The following DGKQ variants were observed in gnomAD, a reference collection of about 807,000 sequenced individuals.
The protein encoded by DGKQ is diacylglycerol kinase theta.
Under a neutral mutation model 104.2 loss-of-function variants are expected in DGKQ, and 97 were observed. That is an observed-to-expected ratio of 0.93 (90% confidence interval 0.79 to 1.10). The LOEUF (loss-of-function observed/expected upper bound fraction) is 1.10. DGKQ is among the 50% of genes least tolerant of loss of function. The pLI is 0.00. For missense variants in DGKQ, 1,465 were observed against 1,352.1 expected (o/e 1.08, Z -1.31); for synonymous variants, 736 against 595.2 (o/e 1.24, Z -3.44).
Position 966,069 on chromosome 4 carries a change from G to T in DGKQ, c.1438C>A (p.Arg480=). 1.2e-6 allele frequency: 2 copies of T among 1,600,068 alleles called. No individual in the cohort carries two copies. Among genetic ancestry groups the T allele is most frequent in the Non-Finnish European group, 1.7e-6 (2 of 1,173,916 alleles). ...RLQDIRQMSV[R]QVSQTRFYVA... ...TAGAACCGCGTCTGGCTCACCTGCCGCACAGACATCTGCAGGGAGAGGGGC... is the reference window on the plus strand; with the variant it reads ...TAGAACCGCGTCTGGCTCACCTGCCTCACAGACATCTGCAGGGAGAGGGGC... The change falls in exon 13 of 23, where the codon CGG becomes AGG. Residue 480 remains arginine, a synonymous_variant. Coordinates refer to ENST00000273814, the MANE Select transcript of DGKQ (RefSeq NM_001347.4).
In DGKQ at chr4:967,041, A is replaced by G; in HGVS notation, c.1234T>C (p.Tyr412His). Residue 412 changes from tyrosine to histidine, a missense_variant, in exon 10 of 23, where the codon TAC becomes CAC. Coordinates refer to ENST00000273814, the MANE Select transcript of DGKQ (RefSeq NM_001347.4). The stretch of plus-strand genomic sequence containing the variant: ...TTCGGGGTCACTCGCACGGACACGT[A>G]GGCCACGCCCACCCTGTGGGGACAC... ...YPGWLKVGVAYVSVRVTPKST... is the reference protein window; with the variant it reads ...YPGWLKVGVAHVSVRVTPKST... 1 of 1,559,398 alleles carries G rather than the reference A, an allele frequency of 6.4e-7. No homozygotes were observed. The highest frequency in any genetic ancestry group is 8.7e-7 in the Non-Finnish European group (1 of 1,152,914).
Position 968,817 on chromosome 4 carries a change from A to G in DGKQ, c.445T>C (p.Cys149Arg). 6.2e-7 allele frequency: 1 copy of G among 1,609,824 alleles called. No individual in the cohort carries two copies. The change falls in exon 3 of 23, where the codon TGC becomes CGC. Residue 149 changes from cysteine to arginine, a missense_variant. Transcript: ENST00000273814. ...CCAGGCAGGCTCCAGGTACCTTCGC[A>G]GTGGAGCGCCGGTGCCTCCAGGACC... ...RKVLEAPALHCEVCELHLHPD... is the reference protein window; with the variant it reads ...RKVLEAPALHREVCELHLHPD...
Position 962,561 on chromosome 4 carries a change from G to A in DGKQ, c.2088C>T (p.Asp696=), listed in dbSNP as rs761119045. The change falls in exon 18 of 23, where the codon GAC becomes GAT. Residue 696 remains aspartate (D), a synonymous_variant. Transcript: ENST00000273814. ...CCACAGACAGCAGTACGGAGAACGG[G>A]TCCTCGCCGCTGTAGCCCGCCCCCC... ...LRWGAGYSGE[D]PFSVLLSVDE... is the part of the protein sequence containing the mutation. 1 of 1,610,052 alleles carries A rather than the reference G, an allele frequency of 6.2e-7. No individual in the cohort carries two copies. The highest frequency in any genetic ancestry group is 8.5e-7 in the Non-Finnish European group (1 of 1,179,906).
rs984254777 is a variant in DGKQ, at chr4:967,495, C to A, written c.987+54G>T. The A allele has an allele frequency of 3.8e-6, 6 of 1,566,338 alleles. No homozygotes were observed. In the African/African-American group the frequency reaches 4.0e-5, roughly 11 times the overall value. ...GGAGCCAGGTCAGGTGCGCCAGGTG[C>A]GGGGACATGCGGTCCTGGGAGGGGG... On this transcript the variant is annotated intron_variant, in intron 8 of 22. Transcript: ENST00000273814.
At chr4:966,879 G>T in intron 10 of DGKQ, 77 bp from the exon 11 acceptor site, 1 of 1,556,930 alleles carries the variant, frequency 6.4e-7, no homozygotes, top group East Asian at 2.4e-5. Flanking sequence ...AGCCACGCCT[G>T]GGCTGGGATG....
chr4:968,256 C>T, intron 5 of DGKQ, 26 bp downstream of exon 5: 1 of 1,282,498 alleles, frequency 7.8e-7, no homozygotes, highest in Non-Finnish European at 1.1e-6. Context: ...GCCCCACCCC[C>T]ACCCCCTCGA....
At position 961,077 on chromosome 4, in the gene DGKQ, T is replaced by G; in HGVS notation, c.2699A>C (p.His900Pro). 6.2e-7 allele frequency: 1 copy of G among 1,612,288 alleles called. No individual in the cohort carries two copies. The highest frequency in any genetic ancestry group is 8.5e-7 in the Non-Finnish European group (1 of 1,179,638). The change falls in exon 22 of 23, where the codon CAC becomes CCC. Residue 900 changes from histidine (H) to proline (P), a missense_variant. Physicochemically the swap from His to Pro is moderately conservative, Grantham distance 77 (BLOSUM62 -2). Transcript: ENST00000273814. ...DGEPWVQAPG[H>P]MIISAAGPKV... is the part of the protein sequence containing the mutation. ...AGGGCCAGCAGCTGAGATGATCATG[T>G]GCCCCGGGGCCTGGACCCAGGGCTC...
chr4:965,768 G>A (rs768963627), intron 13 of DGKQ, among the ~76,000 whole-genome samples, 160 bp downstream of exon 13: 9 of 152,122 alleles, frequency 5.9e-5, no homozygotes, highest in Non-Finnish European at 1.3e-4. Context: ...GAGGGCGAGA[G>A]GCTCCAGAGC....
intron 13 of DGKQ, 82 bp from the exon 14 acceptor site, chr4:965,611 CA>C: frequency 6.7e-7 from 1 of 1,489,028 alleles, no homozygotes; most frequent in East Asian, 2.4e-5. Context: ...TCCGCCTGTC[CA>C]GGGGTGACAT....
chr4:960,664 C>A lies in DGKQ; in HGVS notation c.2785G>T (p.Ala929Ser), dbSNP rs370905438. Residue 929 changes from alanine to serine, a missense_variant, in exon 23 of 23, where the codon GCC (alanine) becomes TCC (serine). Transcript: ENST00000273814. ...KPRRAGTTRDARADAAPAPES... is the reference protein window; with the variant it reads ...KPRRAGTTRDSRADAAPAPES... ...GGGGCAGGCGCAGCATCCGCCCGGGCATCCCTGGTGGTCCCGGCCCTCCTC... is the reference window on the plus strand; with the variant it reads ...GGGGCAGGCGCAGCATCCGCCCGGGAATCCCTGGTGGTCCCGGCCCTCCTC... The A allele has an allele frequency of 6.2e-7, 1 of 1,612,306 alleles. No homozygotes were observed. Among genetic ancestry groups the A allele is most frequent in the East Asian group, 2.2e-5 (1 of 44,878 alleles).
chr4:965,752 G>A (rs2153009256), intron 13 of DGKQ, among the ~76,000 whole-genome samples, 176 bp downstream of exon 13: 1 of 152,318 alleles, frequency 6.6e-6, no homozygotes, highest in Admixed American at 6.5e-5. Context: ...GCAGGGAACG[G>A]CCACAGAGGG....
rs1160549716 is a variant in DGKQ at position 960,376 on chromosome 4, C to T, written c.*244G>A. ...CAGAGCCCTGCGCCCACCCGGGACA[C>T]GGGGTAACACTGCCACCCGCACACC... On this transcript the variant is annotated 3_prime_UTR_variant, in exon 23 of 23. Transcript: ENST00000273814. The T allele has an allele frequency of 2.6e-5, 15 of 567,810 alleles. No homozygotes were observed. Among genetic ancestry groups the T allele is most frequent in the Admixed American group, 6.1e-5 (2 of 33,000 alleles). The allele number at this position is 567,810 out of a possible 1,614,324, so 35.2% of individuals were successfully genotyped here. A position where few individuals can be genotyped will look rare whatever the true frequency, so the allele number is the denominator to read the frequency against.
chr4:960,953 C>T (rs56039006), intron 22 of DGKQ, 96 bp downstream of exon 22: 1 of 1,544,588 alleles, frequency 6.5e-7, no homozygotes, highest in Non-Finnish European at 8.7e-7. Context: ...CTGGCCGCAG[C>T]CGGCCATGCC....
Position 960,449 on chromosome 4 carries a change from G to C in DGKQ, c.*171C>G, listed in dbSNP as rs1711789936. 1 of 618,176 alleles carries C rather than the reference G, an allele frequency of 1.6e-6. No homozygotes were observed. The highest frequency in any genetic ancestry group is 2.9e-6 in the Non-Finnish European group (1 of 347,188). The allele number at this position is 618,176 out of a possible 1,614,324, so 38.3% of individuals were successfully genotyped here. ...GTGACACCAACATGTGTCACCAATG[G>C]GATGAGGGCGGGTCCCGCTCCGTCA... On this transcript the variant is annotated 3_prime_UTR_variant, in exon 23 of 23. Coordinates refer to ENST00000273814, the MANE Select transcript of DGKQ (RefSeq NM_001347.4).
chr4:970,796 G>T (rs766487223), intron 2 of DGKQ, among the ~76,000 whole-genome samples, 197 bp downstream of exon 2: 5 of 152,290 alleles, frequency 3.3e-5, no homozygotes, highest in Middle Eastern at 3.4e-3. Flanking sequence ...CGACCTCGGG[G>T]ACTGGCTTTT....
In DGKQ at chr4:967,236, C is replaced by A; in HGVS notation, c.1113G>T (p.Ser371=). ...CGGACCCGGGGCTTCTGCCCTCCTC[C>A]GAGATCACAGCACTCCCAGCCTTGC... ...AGGKAGSAVI[S]EEGRSPGSGE... The change falls in exon 9 of 23, where the codon TCG becomes TCT. Residue 371 remains serine (S), a synonymous_variant. Transcript: ENST00000273814. The A allele has an allele frequency of 6.4e-7, 1 of 1,572,196 alleles. No homozygotes were observed.
Position 961,843 on chromosome 4 carries a change from C to T in DGKQ, c.2316-9G>A, listed in dbSNP as rs1385555307. 23 of 1,592,358 alleles carry T rather than the reference C, an allele frequency of 1.4e-5. No homozygotes were observed. Among genetic ancestry groups the T allele is most frequent in the East Asian group, 8.9e-5 (4 of 44,720 alleles). The stretch of plus-strand genomic sequence containing the variant: ...CACCCTTGTTGTGCAGCCTGCAGGA[C>T]GGGGCAGGTCACCCATCACCAGGGG... On this transcript the variant is annotated splice_polypyrimidine_tract_variant and intron_variant, in intron 19 of 22. Transcript: ENST00000273814.
At chr4:962,171 A>G in intron 18 of DGKQ, 89 bp from the exon 19 acceptor site, 2 of 1,230,084 alleles carry the variant, frequency 1.6e-6, no homozygotes, top group Non-Finnish European at 2.3e-6. Flanking sequence ...GGCAGAGACA[A>G]GAGCAAGGAC....
intron 21 of DGKQ, 112 bp from the exon 22 acceptor site, chr4:961,313 A>G (rs28516743): frequency 8.0e-7 from 1 of 1,251,348 alleles, no homozygotes; most frequent in Non-Finnish European, 1.1e-6. Context: ...CCCACCCTGG[A>G]CCTGGCCCTG....
Sources: gnomAD v4.1 joint callset for allele counts (sites outside exome capture counted in the v4.1 genomes callset) on GRCh38, gnomAD v4.1.1 for gene constraint, MANE v1.5 for transcripts, NCBI Gene and HGNC (gene_info 2026-07-23, HGNC 2026-07-21) for gene names.